TAF15: variants seen among roughly 807,000 people sequenced by gnomAD.
TAF15 encodes the protein TATA-box binding protein associated factor 15.
In TAF15, 37 loss-of-function variants were observed where a neutral mutation model predicts 102.5. The observed-to-expected ratio is 0.36, with a 90% CI of 0.28 to 0.47. TAF15 has a LOEUF of 0.47. Ranked by LOEUF, TAF15 falls within the 20% of genes least tolerant of loss-of-function variation. The pLI, the probability that TAF15 is intolerant of heterozygous loss-of-function variation, is 0.99. For missense variants in TAF15, 652 were observed against 760.7 expected (o/e 0.86, Z 1.68); for synonymous variants, 273 against 259.2 (o/e 1.05, Z -0.51).
intron 8 of TAF15, 55 bp downstream of exon 8, chr17:35,833,996 GCCA>G: frequency 6.3e-7 from 1 of 1,584,492 alleles, no homozygotes. Flanking sequence ...AAATCTAAAA[GCCA>G]CCAATATCCC....
chr17:35,822,598 A>G (rs1480010815), intron 5 of TAF15, 42 bp from the exon 6 acceptor site: 1 of 1,586,532 alleles, frequency 6.3e-7, no homozygotes, highest in Admixed American at 1.7e-5. Context: ...CAGCAAATGT[A>G]ATCTTCCTAT....
intron 1 of TAF15, among the ~76,000 whole-genome samples, chr17:35,813,441 C>G (rs972579041): frequency 6.6e-6 from 1 of 152,012 alleles, no homozygotes. Flanking sequence ...TGAAAACAGC[C>G]TGGGCAACGT....
At chr17:35,813,668 G>A (rs919730303) in intron 1 of TAF15, among the ~76,000 whole-genome samples, 9 of 148,528 alleles carry the variant, frequency 6.1e-5, no homozygotes, top group Non-Finnish European at 1.2e-4. Flanking sequence ...AAGAAACATG[G>A]GAAATAGATT....
At position 35,817,724 on chromosome 17, in the gene TAF15, A is replaced by G. The variant is rs2087211535; in HGVS notation, c.16A>G (p.Ser6Gly). The change falls in exon 2 of 16, where the codon AGT becomes GGT. Residue 6 changes from serine (S) to glycine (G), a missense_variant. Physicochemically the swap from Ser to Gly is moderately conservative, Grantham distance 56 (BLOSUM62 0). Around this residue, in one of 3 missense-constraint regions of TAF15, gnomAD observed 243 missense variants for 284.1 expected, o/e 0.86. Transcript: ENST00000605844. ...CTTTTTATGTGTTCTAGATTCTGGA[A>G]GTTACGGTCAGTCTGGGGGTGAGCA... MSDSGSYGQSGGEQQS... is the reference protein window; with the variant it reads MSDSGGYGQSGGEQQS... 1 of 1,613,520 alleles carries G rather than the reference A, an allele frequency of 6.2e-7. No individual in the cohort carries two copies. The highest frequency in any genetic ancestry group is 8.5e-7 in the Non-Finnish European group (1 of 1,179,482).
At chr17:35,818,052 A>G (rs1286866066) in intron 2 of TAF15, among the ~76,000 whole-genome samples, 3 of 151,088 alleles carry the variant, frequency 2.0e-5, no homozygotes, top group African/African-American at 4.9e-5. Context: ...CTCCCAAGTA[A>G]CTGTAATCTC....
intron 11 of TAF15, among the ~76,000 whole-genome samples, chr17:35,839,776 T>A (rs1022295373): frequency 1.3e-5 from 2 of 152,114 alleles, no homozygotes; most frequent in Non-Finnish European, 1.5e-5. Context: ...TCTTAATAAT[T>A]TTCCTTCTGG....
At chr17:35,838,817 T>G (rs2087506515) in intron 11 of TAF15, among the ~76,000 whole-genome samples, 1 of 152,228 alleles carries the variant, frequency 6.6e-6, no homozygotes, top group African/African-American at 2.4e-5. Context: ...GTATGTTATT[T>G]TTTCTTTTTA....
At position 35,815,523 on chromosome 17, in the gene TAF15, A is replaced by C. The variant is rs929237263; in HGVS notation, c.8-2193A>C. The stretch of plus-strand genomic sequence containing the variant: ...TGACTGGGTTAAGATTAAGGGCCTT[A>C]CTGTTAGATTTGAGATAGGGTTACA... On this transcript the variant is annotated intron_variant, in intron 1 of 15. Transcript: ENST00000605844. 9.2e-5 allele frequency among the ~76,000 whole-genome samples: 14 copies of C among 152,324 alleles called. No individual in the cohort carries two copies. In the South Asian group the frequency reaches 2.5e-3, roughly 27 times the overall value.
chr17:35,817,723 A>G lies in TAF15; in HGVS notation c.15A>G (p.Gly5=). MSDS[G]SYGQSGGEQQ... Reference sequence around the variant, plus strand: ...TCTTTTTATGTGTTCTAGATTCTGGAAGTTACGGTCAGTCTGGGGGTGAGC... The same window carrying G: ...TCTTTTTATGTGTTCTAGATTCTGGGAGTTACGGTCAGTCTGGGGGTGAGC... Residue 5 remains glycine (G), a synonymous_variant, in exon 2 of 16, where the codon GGA becomes GGG. Coordinates refer to ENST00000605844, the MANE Select transcript of TAF15 (RefSeq NM_139215.3). 6.2e-7 allele frequency: 1 copy of G among 1,613,478 alleles called. No individual in the cohort carries two copies. The highest frequency in any genetic ancestry group is 8.5e-7 in the Non-Finnish European group (1 of 1,179,464).
chr17:35,844,336 C>G lies in TAF15; in HGVS notation c.1145C>G (p.Pro382Arg). The change falls in exon 14 of 16, where the codon CCT (proline) becomes CGT (arginine). Residue 382 changes from proline to arginine, a missense_variant. Physicochemically the swap from Pro to Arg is moderately radical, Grantham distance 103. Around this residue, in one of 3 missense-constraint regions of TAF15, gnomAD observed 368 missense variants for 367.5 expected, o/e 1.00. Coordinates refer to ENST00000605844, the MANE Select transcript of TAF15 (RefSeq NM_139215.3). ...RRNSCNQCNE[P>R]RPEDSRPSGG... is the part of the protein sequence containing the mutation. The stretch of plus-strand genomic sequence containing the variant: ...AATTCCTGCAATCAGTGCAATGAGC[C>G]TAGACCAGAGGACTCTCGTCCCTCA... 1 of 1,614,228 alleles carries G rather than the reference C, an allele frequency of 6.2e-7. No individual in the cohort carries two copies. The highest frequency in any genetic ancestry group is 8.5e-7 in the Non-Finnish European group (1 of 1,180,046).
intron 11 of TAF15, among the ~76,000 whole-genome samples, 164 bp from the exon 12 acceptor site, chr17:35,842,203 T>C (rs1024081504): frequency 1.3e-5 from 2 of 152,186 alleles, no homozygotes; most frequent in African/African-American, 4.8e-5. Flanking sequence ...TTTCAGTAGA[T>C]AATGTCACTT....
chr17:35,831,593 G>A (rs182343815), intron 7 of TAF15, among the ~76,000 whole-genome samples: 4 of 152,192 alleles, frequency 2.6e-5, no homozygotes, highest in Admixed American at 2.6e-4. Context: ...GAAATTGCAT[G>A]TTTTCCATCC....
intron 7 of TAF15, among the ~76,000 whole-genome samples, chr17:35,829,631 C>CAAAAAAAAAAAA (rs746776421): frequency 3.0e-5 from 1 of 33,110 alleles, no homozygotes; most frequent in Non-Finnish European, 5.8e-5. Context: ...GACTCCATCT[C>CAAAAAAAAAAAA]AAAAAAAAAA....
intron 10 of TAF15, 85 bp from the exon 11 acceptor site, chr17:35,838,339 A>G (rs975320588): frequency 3.9e-5 from 61 of 1,573,632 alleles, no homozygotes; most frequent in Middle Eastern, 1.8e-4. Flanking sequence ...ATTCCTTGTA[A>G]AAAAAATAAA....
chr17:35,809,517 C>A lies in TAF15; in HGVS notation c.-53C>A. 2 of 1,612,002 alleles carry A rather than the reference C, an allele frequency of 1.2e-6. No homozygotes were observed. Among genetic ancestry groups the A allele is most frequent in the Non-Finnish European group, 1.7e-6 (2 of 1,179,560 alleles). On this transcript the variant is annotated 5_prime_UTR_variant, in exon 1 of 16. Transcript: ENST00000605844. ...TCCGGCCGCCGCGCCGCCTGGCTTT[C>A]GTATTCGTTGTTCTCGGCGGGCTGT...
Position 35,847,137 on chromosome 17 carries a change from AC to A in TAF15, c.*194del, listed in dbSNP as rs1334458546. ...TTGAGATTTCCCCCTTTAGTTTCCA[AC>A]CTTCTCCCCAACCCTTGGAGCTAAA... On this transcript the variant is annotated 3_prime_UTR_variant, in exon 16 of 16. Transcript: ENST00000605844. 1 of 658,930 alleles carries A rather than the reference AC, an allele frequency of 1.5e-6. No homozygotes were observed. The highest frequency in any genetic ancestry group is 2.7e-6 in the Non-Finnish European group (1 of 376,398). The allele number at this position is 658,930 out of a possible 1,614,324, so 40.8% of individuals were successfully genotyped here. A position where few individuals can be genotyped will look rare whatever the true frequency, so the allele number is the denominator to read the frequency against.
In TAF15 at chr17:35,844,917, G is replaced by T; in HGVS notation, c.1618G>T (p.Gly540Cys). The T allele has an allele frequency of 3.1e-6, 5 of 1,613,348 alleles. No homozygotes were observed. Among genetic ancestry groups the T allele is most frequent in the Non-Finnish European group, 4.2e-6 (5 of 1,179,582 alleles). The change falls in exon 15 of 16, where the codon GGC becomes TGC. Residue 540 changes from glycine to cysteine, a missense_variant. Physicochemically the swap from Gly to Cys is radical, Grantham distance 159. Coordinates refer to ENST00000605844, the MANE Select transcript of TAF15 (RefSeq NM_139215.3). ...TGGAGGAGACCGTGGTGGTGGCAGTGGCTACGGTGGAGACCGAAGTGGAGG... is the reference window on the plus strand; with the variant it reads ...TGGAGGAGACCGTGGTGGTGGCAGTTGCTACGGTGGAGACCGAAGTGGAGG... Reference protein sequence around the residue: ...GYGGDRGGGSGYGGDRSGGYG... With the variant: ...GYGGDRGGGSCYGGDRSGGYG...
intron 5 of TAF15, 33 bp downstream of exon 5, chr17:35,820,470 G>C: frequency 1.3e-6 from 2 of 1,591,938 alleles, no homozygotes; most frequent in Non-Finnish European, 1.7e-6. Flanking sequence ...AGATTGTTTT[G>C]GGCAGTGGAA....
At chr17:35,828,611 G>T (rs1008920311) in intron 7 of TAF15, among the ~76,000 whole-genome samples, 1 of 151,892 alleles carries the variant, frequency 6.6e-6, no homozygotes, top group Non-Finnish European at 1.5e-5. Context: ...CACGCCTGTA[G>T]TCCCAGCTAC....
Sources: allele counts gnomAD v4.1 joint callset (sites outside exome capture counted in the v4.1 genomes callset), GRCh38; gene constraint gnomAD v4.1.1; regional missense constraint gnomAD v4.1.1; transcripts MANE v1.5; gene names NCBI Gene and HGNC (gene_info 2026-07-23, HGNC 2026-07-21).